The following KLF17 variants were observed in gnomAD, a reference collection of about 807,000 sequenced individuals.
KLF17 encodes the protein KLF transcription factor 17, also known as Krueppel-like factor 17.
Under a neutral mutation model 34.2 loss-of-function variants are expected in KLF17, and 31 were observed. The observed-to-expected ratio is 0.91, with a 90% CI of 0.68 to 1.22. KLF17 has a LOEUF of 1.22. KLF17 is among the 50% of genes most tolerant of loss of function. The pLI is 0.00. For missense variants in KLF17, 478 were observed against 505.2 expected, an observed-to-expected ratio of 0.95 and a Z score of 0.52; for synonymous variants, 179 against 186.7, an observed-to-expected ratio of 0.96 and a Z score of 0.34.
At chr1:44,130,385 T>C (rs1438469735) in intron 2 of KLF17, 127 bp from the exon 3 acceptor site, 2 of 1,400,024 alleles carry the variant, frequency 1.4e-6, no homozygotes, top group Non-Finnish European at 2.0e-6. Flanking sequence ...CTCCTGATTG[T>C]GTTGCCCCTC....
At chr1:44,109,846 A>G in the KLF17 span, among the ~76,000 whole-genome samples, 18 of 151,984 alleles carry the variant, frequency 1.2e-4, no homozygotes, top group Admixed American at 1.2e-3. Flanking sequence ...CAGTGTTTAC[A>G]AAGAATATAT....
rs71653905 is a variant in KLF17, at chr1:44,127,659, T to A, written c.82-1694T>A. ...CTTTCCTTCTTTCTTTCTTTCTTTC[T>A]TTCTTTCTTTCTTTCTTTCTTTCTT... is the stretch of plus-strand genomic sequence containing the variant. On this transcript the variant is annotated intron_variant, in intron 1 of 3. Transcript: ENST00000372299. Among the ~76,000 whole-genome samples, 379 of 40,274 alleles carry A rather than the reference T, an allele frequency of 9.4e-3. 8 individuals carry two copies. Among genetic ancestry groups the A allele is most frequent in the Middle Eastern group, 0.044 (4 of 90 alleles). The allele number at this position is 40,274 out of a possible 152,430, so 26.4% of individuals were successfully genotyped here. A position where few individuals can be genotyped will look rare whatever the true frequency, so the allele number is the denominator to read the frequency against.
chr1:44,103,793 C>T, the KLF17 span: 1 of 922,666 alleles, frequency 1.1e-6, no homozygotes. Context: ...CCAGGGAAGC[C>T]CTCTGGCCTT....
the KLF17 span, among the ~76,000 whole-genome samples, chr1:44,084,083 A>AT: frequency 1.3e-5 from 2 of 152,256 alleles, no homozygotes; most frequent in Non-Finnish European, 2.9e-5. Context: ...CATTTTATAC[A>AT]TAAATGTTTT....
the KLF17 span, among the ~76,000 whole-genome samples, chr1:44,102,143 A>G: frequency 5.9e-5 from 9 of 152,242 alleles, no homozygotes; most frequent in Non-Finnish European, 1.2e-4. Flanking sequence ...ATCCAACTAT[A>G]TCAATAATCA....
the KLF17 span, among the ~76,000 whole-genome samples, chr1:44,091,949 CA>C: frequency 4.7e-4 from 50 of 105,268 alleles, no homozygotes; most frequent in African/African-American, 1.5e-3. Flanking sequence ...ACAACAACAA[CA>C]ACACACACAC....
chr1:44,100,781 A>G, the KLF17 span, among the ~76,000 whole-genome samples: 8 of 152,052 alleles, frequency 5.3e-5, no homozygotes, highest in South Asian at 1.7e-3. Flanking sequence ...TCAGCCTCCA[A>G]GTAGCTGGGA....
the KLF17 span, among the ~76,000 whole-genome samples, chr1:44,087,599 T>TGGA: frequency 6.6e-6 from 1 of 150,418 alleles, no homozygotes; most frequent in Non-Finnish European, 1.5e-5. Flanking sequence ...ACTTCCAGGA[T>TGGA]GGAGGTACAA....
At chr1:44,062,624 G>A in the KLF17 span, among the ~76,000 whole-genome samples, 1 of 151,618 alleles carries the variant, frequency 6.6e-6, no homozygotes, top group Non-Finnish European at 1.5e-5. Context: ...AGGAGGCTGA[G>A]GTGATACGAG....
chr1:44,054,441 A>G, the KLF17 span, among the ~76,000 whole-genome samples: 99,506 of 148,422 alleles, frequency 0.67, 33,431 homozygotes, highest in East Asian at 0.78. Flanking sequence ...GAGTCCCACC[A>G]CTTGCTGGAC....
chr1:44,067,570 C>T, the KLF17 span, among the ~76,000 whole-genome samples: 1 of 152,220 alleles, frequency 6.6e-6, no homozygotes, highest in East Asian at 1.9e-4. Flanking sequence ...TGTCTTCAGC[C>T]TGGACCCACA....
the KLF17 span, chr1:44,105,639 T>C: frequency 2.5e-4 from 38 of 152,356 alleles, no homozygotes; most frequent in African/African-American, 7.7e-4. Context: ...TTCCACACAA[T>C]GCATTGATTT....
chr1:44,100,617 GTTTTGT>G, the KLF17 span, among the ~76,000 whole-genome samples: 17 of 150,072 alleles, frequency 1.1e-4, no homozygotes, highest in Middle Eastern at 3.4e-3. Context: ...GCACTTGGCT[GTTTTGT>G]TTTTGTTTTT....
chr1:44,126,584 C>T (rs1335625143), intron 1 of KLF17, among the ~76,000 whole-genome samples: 1 of 152,162 alleles, frequency 6.6e-6, no homozygotes, highest in African/African-American at 2.4e-5. Flanking sequence ...TGCTTCCTAC[C>T]CTGCTATCTT....
the KLF17 span, chr1:44,103,940 C>G: frequency 2.3e-6 from 2 of 857,132 alleles, no homozygotes; most frequent in Non-Finnish European, 4.0e-6. Flanking sequence ...GGTACATGCT[C>G]TCAGCCTCAG....
intron 1 of KLF17, among the ~76,000 whole-genome samples, chr1:44,120,884 TGAAGCA>T (rs775813751): frequency 1.3e-5 from 2 of 152,154 alleles, no homozygotes; most frequent in Non-Finnish European, 2.9e-5. Flanking sequence ...CCCAGGAGGC[TGAAGCA>T]GAAGGCTCGT....
the KLF17 span, among the ~76,000 whole-genome samples, chr1:44,084,572 T>G: frequency 6.6e-6 from 1 of 151,684 alleles, no homozygotes; most frequent in South Asian, 2.1e-4. Context: ...CTTAGCTACT[T>G]GTGAGGCTGA....
the KLF17 span, among the ~76,000 whole-genome samples, chr1:44,102,595 C>G: frequency 2.5e-5 from 3 of 117,668 alleles, no homozygotes; most frequent in African/African-American, 8.5e-5. Context: ...CACACACACA[C>G]ACACACACAC....
the KLF17 span, among the ~76,000 whole-genome samples, chr1:44,083,534 C>T: frequency 2.0e-5 from 3 of 152,098 alleles, no homozygotes; most frequent in South Asian, 2.1e-4. Context: ...CGGTGGCTCA[C>T]GCCTGTAATC....
Sources: gnomAD v4.1 joint callset for allele counts (sites outside exome capture counted in the v4.1 genomes callset) on GRCh38, gnomAD v4.1.1 for gene constraint, MANE v1.5 for transcripts, NCBI Gene and HGNC (gene_info 2026-07-23, HGNC 2026-07-21) for gene names.